Variants in GRM8 observed in about 807,000 individuals in gnomAD.
The protein encoded by GRM8 is metabotropic glutamate receptor 8.
GRM8 carries 47 observed loss-of-function variants against 87.2 expected under a neutral mutation model. The ratio of observed to expected loss-of-function variants is 0.54; its 90% CI spans 0.43 to 0.69. The LOEUF (loss-of-function observed/expected upper bound fraction) is 0.69. Among genes scored for constraint, GRM8 ranks in the 30% least tolerant of loss-of-function variants. GRM8 has a pLI of 0.00. For missense variants in GRM8, 1,019 were observed against 1,139.2 expected (o/e 0.89, Z 1.52); for synonymous variants, 396 against 404.5 (o/e 0.98, Z 0.25).
chr7:127,146,331 T>TAC (rs1048166978), intron 2 of GRM8, among the ~76,000 whole-genome samples: 6 of 152,002 alleles, frequency 3.9e-5, no homozygotes, highest in African/African-American at 1.4e-4. Flanking sequence ...GTGTAGGAGA[T>TAC]ACTTGTGGCA....
intron 6 of GRM8, among the ~76,000 whole-genome samples, chr7:126,792,017 T>A (rs1376128793): frequency 6.6e-6 from 1 of 152,130 alleles, no homozygotes; most frequent in Non-Finnish European, 1.5e-5. Flanking sequence ...GGTCACAGAT[T>A]ATAAGTGATA....
intron 3 of GRM8, among the ~76,000 whole-genome samples, chr7:126,989,348 T>C (rs190496835): frequency 6.6e-6 from 1 of 152,320 alleles, no homozygotes; most frequent in East Asian, 1.9e-4. Context: ...AAGTTAAAGG[T>C]TAACAAGATA....
intron 6 of GRM8, among the ~76,000 whole-genome samples, chr7:126,885,174 C>T (rs1800373038): frequency 6.6e-6 from 1 of 152,172 alleles, no homozygotes; most frequent in Admixed American, 6.5e-5. Context: ...GCTTCTTCAA[C>T]CAGAGCAGCT....
intron 2 of GRM8, among the ~76,000 whole-genome samples, chr7:127,200,551 A>T (rs1795531263): frequency 6.6e-6 from 1 of 152,222 alleles, no homozygotes; most frequent in Non-Finnish European, 1.5e-5. Flanking sequence ...GTTATCTCAC[A>T]GTCCTGGAGG....
At chr7:127,067,867 C>T (rs11563745) in intron 3 of GRM8, among the ~76,000 whole-genome samples, 38,528 of 151,910 alleles carry the variant, frequency 0.25, 5,830 homozygotes, top group Non-Finnish European at 0.35. Context: ...TTACAAATAA[C>T]AGCACTCCAA....
chr7:126,541,496 T>G (rs181912775), intron 8 of GRM8, among the ~76,000 whole-genome samples: 1 of 152,092 alleles, frequency 6.6e-6, no homozygotes, highest in Non-Finnish European at 1.5e-5. Flanking sequence ...CTGAAGGTAG[T>G]TGGGATCTTC....
intron 7 of GRM8, among the ~76,000 whole-genome samples, chr7:126,746,740 C>T (rs80157766): frequency 0.082 from 12,491 of 151,478 alleles, 693 homozygotes; most frequent in Middle Eastern, 0.15. Flanking sequence ...TTAAATTATT[C>T]TATTTGGTTT....
At chr7:126,809,567 T>C (rs985400516) in intron 6 of GRM8, among the ~76,000 whole-genome samples, 6 of 152,312 alleles carry the variant, frequency 3.9e-5, no homozygotes, top group African/African-American at 1.4e-4. Context: ...ACTCCCGTTC[T>C]GCCAGTAAAG....
At chr7:127,078,761 A>T (rs933143329) in intron 3 of GRM8, among the ~76,000 whole-genome samples, 1 of 152,256 alleles carries the variant, frequency 6.6e-6, no homozygotes, top group Non-Finnish European at 1.5e-5. Context: ...AGCCTATCTA[A>T]ATATTGCTAA....
At chr7:126,968,520 A>C (rs1252285559) in intron 3 of GRM8, among the ~76,000 whole-genome samples, 1 of 152,178 alleles carries the variant, frequency 6.6e-6, no homozygotes, top group Non-Finnish European at 1.5e-5. Flanking sequence ...GTTAAGCTTT[A>C]GTATTACCTG....
chr7:126,649,257 G>A lies in GRM8; in HGVS notation c.1358-39759C>T, dbSNP rs1803519962. 2.0e-5 allele frequency among the ~76,000 whole-genome samples: 3 copies of A among 152,282 alleles called. No individual in the cohort carries two copies. In the South Asian group the frequency reaches 6.2e-4, roughly 32 times the overall value. ...AAGGAGATTAACATTGAATCAGTGG[G>A]CTGTGAAAGGCAGACCCACCCTTAA... On this transcript the variant is annotated intron_variant, in intron 7 of 10. Coordinates refer to ENST00000339582, the MANE Select transcript of GRM8 (RefSeq NM_000845.3).
chr7:127,192,205 A>T (rs764723980), intron 2 of GRM8, among the ~76,000 whole-genome samples: 2 of 152,262 alleles, frequency 1.3e-5, no homozygotes, highest in Non-Finnish European at 2.9e-5. Context: ...ACTTGGAGGA[A>T]GTAAACAGAG....
chr7:126,918,658 T>TC (rs1159273551), intron 3 of GRM8, among the ~76,000 whole-genome samples: 1 of 152,192 alleles, frequency 6.6e-6, no homozygotes, highest in Non-Finnish European at 1.5e-5. Context: ...AAAAATTTAT[T>TC]CCTATTATTG....
intron 9 of GRM8, among the ~76,000 whole-genome samples, chr7:126,447,928 T>C (rs563047059): frequency 3.6e-4 from 54 of 151,934 alleles, no homozygotes; most frequent in Non-Finnish European, 7.4e-4. Context: ...TTTACAAGAT[T>C]TACTACAATT....
intron 9 of GRM8, among the ~76,000 whole-genome samples, chr7:126,475,509 A>T (rs185237531): frequency 1.3e-3 from 199 of 152,170 alleles, no homozygotes; most frequent in African/African-American, 3.4e-3. Context: ...ATGAATTGGA[A>T]TAATTAATAT....
chr7:126,904,830 T>C (rs1802516023), intron 3 of GRM8, 147 bp from the exon 4 acceptor site: 4 of 696,496 alleles, frequency 5.7e-6, no homozygotes, highest in South Asian at 5.7e-5. Context: ...GAGCAATTGT[T>C]TGTTTGCATT....
At chr7:126,524,914 T>C (rs1044369729) in intron 9 of GRM8, among the ~76,000 whole-genome samples, 1 of 152,238 alleles carries the variant, frequency 6.6e-6, no homozygotes, top group African/African-American at 2.4e-5. Context: ...CTTAAAATGC[T>C]AGTTAAAATT....
intron 7 of GRM8, among the ~76,000 whole-genome samples, chr7:126,675,228 C>T (rs192476033): frequency 6.6e-6 from 1 of 152,136 alleles, no homozygotes; most frequent in African/African-American, 2.4e-5. Context: ...CACAGCGAGA[C>T]TGAACCAGTA....
intron 7 of GRM8, among the ~76,000 whole-genome samples, chr7:126,723,202 C>CG (rs2151460585): frequency 6.6e-6 from 1 of 151,666 alleles, no homozygotes; most frequent in Admixed American, 6.6e-5. Flanking sequence ...GATCTAACTG[C>CG]GGGTGGCATT....
Sources: allele counts gnomAD v4.1 joint callset (sites outside exome capture counted in the v4.1 genomes callset), GRCh38; gene constraint gnomAD v4.1.1; transcripts MANE v1.5; gene names NCBI Gene and HGNC (gene_info 2026-07-23, HGNC 2026-07-21).